BNC2: variants seen among roughly 807,000 people sequenced by gnomAD.
The protein encoded by BNC2 is basonuclin zinc finger protein 2.
Under a neutral mutation model 76.3 loss-of-function variants are expected in BNC2, and 20 were observed. The observed-to-expected ratio is 0.26, with a 90% CI of 0.18 to 0.38. The LOEUF (loss-of-function observed/expected upper bound fraction) is 0.38. Among genes scored for constraint, BNC2 ranks in the 10% least tolerant of loss-of-function variants. The probability of loss-of-function intolerance (pLI) is 1.00; values close to 1 mark genes in which losing one functional copy is unlikely to be tolerated. For missense variants in BNC2, 1,382 were observed against 1,399.8 expected, an observed-to-expected ratio of 0.99 and a Z score of 0.20; for synonymous variants, 582 against 514.8, an observed-to-expected ratio of 1.13 and a Z score of -1.77.
intron 4 of BNC2, among the ~76,000 whole-genome samples, chr9:16,557,003 T>A (rs1290277225): frequency 6.7e-6 from 1 of 150,224 alleles, no homozygotes; most frequent in East Asian, 1.9e-4. Context: ...GCTGCCTAAT[T>A]TCATGATCTT....
At chr9:16,452,740 G>A (rs537417108) in intron 5 of BNC2, among the ~76,000 whole-genome samples, 9 of 152,230 alleles carry the variant, frequency 5.9e-5, no homozygotes, top group Non-Finnish European at 8.8e-5. Context: ...GTTCGTGGGC[G>A]CATACTTTCT....
rs1757094466 is a variant in BNC2 at position 16,418,396 on chromosome 9, T to C, written c.*593A>G. The C allele has an allele frequency of 6.5e-6, 1 of 152,756 alleles. No individual in the cohort carries two copies. The highest frequency in any genetic ancestry group is 2.1e-4 in the South Asian group (1 of 4,812). The allele number at this position is 152,756 out of a possible 1,614,324, so 9.5% of individuals were successfully genotyped here. A position where few individuals can be genotyped will look rare whatever the true frequency, so the allele number is the denominator to read the frequency against. ...AACAGCTGGATGTAACTGTAAAAATTAAACAAAAAAGTTAAACAACCATCA... is the reference window on the plus strand; with the variant it reads ...AACAGCTGGATGTAACTGTAAAAATCAAACAAAAAAGTTAAACAACCATCA... On this transcript the variant is annotated 3_prime_UTR_variant, in exon 7 of 7. Coordinates refer to ENST00000380672, the MANE Select transcript of BNC2 (RefSeq NM_017637.6).
At chr9:16,521,101 A>G (rs1817604442) in intron 5 of BNC2, among the ~76,000 whole-genome samples, 1 of 152,238 alleles carries the variant, frequency 6.6e-6, no homozygotes, top group Non-Finnish European at 1.5e-5. Context: ...AAAAAGTGAT[A>G]AAGAGACAGA....
intron 3 of BNC2, among the ~76,000 whole-genome samples, chr9:16,655,191 T>G (rs1349239795): frequency 6.6e-6 from 1 of 151,272 alleles, no homozygotes; most frequent in African/African-American, 2.4e-5. Flanking sequence ...GGAGGGAAAA[T>G]CATTACGATA....
intron 3 of BNC2, among the ~76,000 whole-genome samples, chr9:16,595,782 G>C (rs1415105407): frequency 6.6e-6 from 1 of 152,024 alleles, no homozygotes; most frequent in Non-Finnish European, 1.5e-5. Context: ...AGACTGACTA[G>C]CTAAAAACAA....
At chr9:16,732,852 C>G (rs1824555589) in intron 2 of BNC2, among the ~76,000 whole-genome samples, 1 of 152,176 alleles carries the variant, frequency 6.6e-6, no homozygotes, top group Non-Finnish European at 1.5e-5. Flanking sequence ...CGAAACAACT[C>G]AAGCTTTTGT....
In BNC2 at chr9:16,552,699, A is replaced by G. The variant is rs1162033481; in HGVS notation, c.500T>C (p.Val167Ala). The G allele has an allele frequency of 6.2e-7, 1 of 1,614,176 alleles. No individual in the cohort carries two copies. Among genetic ancestry groups the G allele is most frequent in the Admixed American group, 1.7e-5 (1 of 60,028 alleles). The change falls in exon 5 of 7, where the codon GTC becomes GCC. Residue 167 changes from valine to alanine, a missense_variant. Around this residue, in one of 3 missense-constraint regions of BNC2, gnomAD observed 557 missense variants for 540.9 expected, o/e 1.03. Transcript: ENST00000380672. ...PTQVEIVQSN[V>A]VFDISSLMLY... The stretch of plus-strand genomic sequence containing the variant: ...CATCAGGCTGCTGATGTCAAACACG[A>G]CGTTGGACTGCACAATCTCCACTTG...
chr9:16,604,409 A>T (rs1490987140), intron 3 of BNC2, among the ~76,000 whole-genome samples: 1 of 152,272 alleles, frequency 6.6e-6, no homozygotes, highest in African/African-American at 2.4e-5. Flanking sequence ...AACTTTAAAT[A>T]TAAATCCTTT....
chr9:16,821,091 G>A (rs1400574765), intron 1 of BNC2, among the ~76,000 whole-genome samples: 1 of 151,924 alleles, frequency 6.6e-6, no homozygotes, highest in Admixed American at 6.6e-5. Context: ...AAATTAGCCA[G>A]GTGTGGTGGC....
At chr9:16,840,842 T>C (rs934955015) in intron 1 of BNC2, among the ~76,000 whole-genome samples, 7 of 152,196 alleles carry the variant, frequency 4.6e-5, no homozygotes, top group Non-Finnish European at 7.3e-5. Flanking sequence ...TGCACTCAGA[T>C]TGGAAAATAT....
At chr9:16,613,226 T>C (rs111831857) in intron 3 of BNC2, among the ~76,000 whole-genome samples, 25 of 152,296 alleles carry the variant, frequency 1.6e-4, no homozygotes, top group African/African-American at 6.0e-4. Flanking sequence ...ATGCCTATTG[T>C]GCCAGTTTGA....
intron 3 of BNC2, among the ~76,000 whole-genome samples, chr9:16,683,657 A>G (rs1822890282): frequency 6.6e-6 from 1 of 152,266 alleles, no homozygotes; most frequent in Admixed American, 6.5e-5. Flanking sequence ...GTCTAAGCTA[A>G]AAAATACTCC....
At chr9:16,458,218 A>AT (rs1479206859) in intron 5 of BNC2, among the ~76,000 whole-genome samples, 2 of 152,194 alleles carry the variant, frequency 1.3e-5, no homozygotes, top group African/African-American at 4.8e-5. Flanking sequence ...CCAAGGGACC[A>AT]TGCTAGCTTC....
At chr9:16,869,542 C>T (rs368153915) in intron 1 of BNC2, among the ~76,000 whole-genome samples, 47 of 152,280 alleles carry the variant, frequency 3.1e-4, no homozygotes, top group African/African-American at 1.1e-3. Flanking sequence ...AATGCCAACC[C>T]GCTATCTCAC....
chr9:16,777,254 T>C (rs1204599118), intron 1 of BNC2, among the ~76,000 whole-genome samples: 1 of 152,094 alleles, frequency 6.6e-6, no homozygotes, highest in African/African-American at 2.4e-5. Flanking sequence ...TGTGGGGGTA[T>C]GAACACATTA....
chr9:16,470,896 C>A (rs1189782084), intron 5 of BNC2, among the ~76,000 whole-genome samples: 1 of 152,210 alleles, frequency 6.6e-6, no homozygotes, highest in Non-Finnish European at 1.5e-5. Flanking sequence ...CCTGCTAGGG[C>A]ACTGCTTCGT....
intron 1 of BNC2, among the ~76,000 whole-genome samples, chr9:16,785,253 T>A (rs569898753): frequency 6.6e-6 from 1 of 152,192 alleles, no homozygotes; most frequent in Non-Finnish European, 1.5e-5. Flanking sequence ...GGCAGGTTTG[T>A]GCGAGGGCCT....
At chr9:16,612,822 T>C (rs889846771) in intron 3 of BNC2, among the ~76,000 whole-genome samples, 1 of 152,148 alleles carries the variant, frequency 6.6e-6, no homozygotes, top group Middle Eastern at 3.2e-3. Context: ...GGAAGATGGA[T>C]AGGCTTTCAA....
At chr9:16,855,303 C>A (rs887902262) in intron 1 of BNC2, among the ~76,000 whole-genome samples, 1 of 152,178 alleles carries the variant, frequency 6.6e-6, no homozygotes, top group Non-Finnish European at 1.5e-5. Context: ...TAATGAATAT[C>A]CCTTTACCAG....
Sources: allele counts gnomAD v4.1 joint callset (sites outside exome capture counted in the v4.1 genomes callset), GRCh38; gene constraint gnomAD v4.1.1; regional missense constraint gnomAD v4.1.1; transcripts MANE v1.5; gene names NCBI Gene and HGNC (gene_info 2026-07-23, HGNC 2026-07-21).